IQCM: variants seen among roughly 807,000 people sequenced by gnomAD.
The protein encoded by IQCM is IQ motif containing M.
A neutral mutation model predicts 57.6 loss-of-function variants in IQCM; 45 were observed. The ratio of observed to expected loss-of-function variants is 0.78; its 90% CI spans 0.62 to 1.00. The LOEUF (loss-of-function observed/expected upper bound fraction) is 1.00, where lower values mean the gene tolerates loss of function less well. Among genes scored for constraint, IQCM ranks in the 50% least tolerant of loss-of-function variants. The pLI, the probability that IQCM is intolerant of heterozygous loss-of-function variation, is 0.00. For synonymous variants in IQCM, 148 were observed against 158.9 expected, an observed-to-expected ratio of 0.93 and a Z score of 0.51; for missense variants, 468 against 511.6, an observed-to-expected ratio of 0.91 and a Z score of 0.82.
chr4:149,483,882 C>G lies in IQCM; in HGVS notation c.1229-50325G>C, dbSNP rs527600716. Among the ~76,000 whole-genome samples, 9 of 152,014 alleles carry G rather than the reference C, an allele frequency of 5.9e-5. No individual in the cohort carries two copies. The East Asian group carries it at 1.5e-3, about 26-fold the overall frequency. ...GAATCTGGGGTGTTGAGGTCTCCAG[C>G]TGTTATTGTATTGGAGCCTATCTCT... On this transcript the variant is annotated intron_variant, in intron 12 of 13. Coordinates refer to ENST00000636793, the MANE Select transcript of IQCM (RefSeq NM_001363507.2).
At chr4:149,408,575 G>T (rs1733147813) in intron 13 of IQCM, among the ~76,000 whole-genome samples, 1 of 152,124 alleles carries the variant, frequency 6.6e-6, no homozygotes, top group Admixed American at 6.5e-5. Context: ...ATAACAACAG[G>T]AGGTGAGTCT....
intron 10 of IQCM, among the ~76,000 whole-genome samples, chr4:149,554,585 A>AT: frequency 6.6e-6 from 1 of 151,954 alleles, no homozygotes; most frequent in East Asian, 1.9e-4. Context: ...AAGTGCTGGG[A>AT]TTACAGGCAT....
intron 12 of IQCM, among the ~76,000 whole-genome samples, chr4:149,443,002 T>G (rs1169718225): frequency 7.1e-6 from 1 of 140,734 alleles, no homozygotes; most frequent in Non-Finnish European, 1.5e-5. Flanking sequence ...AGAAAGGAAT[T>G]TATTGCAAGG....
chr4:149,591,150 T>C (rs557251500), intron 8 of IQCM, among the ~76,000 whole-genome samples: 4 of 152,078 alleles, frequency 2.6e-5, no homozygotes, highest in Admixed American at 1.3e-4. Context: ...GTTTAACTGG[T>C]ACCAAGCTTC....
Position 149,551,499 on chromosome 4 carries a change from A to G in IQCM, c.1093+1644T>C, listed in dbSNP as rs1456262550. On this transcript the variant is annotated intron_variant, in intron 11 of 13. Coordinates refer to ENST00000636793, the MANE Select transcript of IQCM (RefSeq NM_001363507.2). ...AACATTCCATAACGTTAAAAAATCAATTAAGTGATAGTTTGGGGTATGAAG... is the reference window on the plus strand; with the variant it reads ...AACATTCCATAACGTTAAAAAATCAGTTAAGTGATAGTTTGGGGTATGAAG... 3.3e-5 allele frequency among the ~76,000 whole-genome samples: 5 copies of G among 152,354 alleles called. No homozygotes were observed. In the South Asian group the frequency reaches 8.3e-4, roughly 25 times the overall value.
intron 12 of IQCM, among the ~76,000 whole-genome samples, chr4:149,496,555 T>G (rs1037547935): frequency 2.6e-5 from 4 of 151,898 alleles, no homozygotes; most frequent in Admixed American, 1.3e-4. Context: ...CTTTGAAGAA[T>G]GAGGAAGAGG....
At chr4:149,358,495 C>T (rs996322712) in intron 13 of IQCM, among the ~76,000 whole-genome samples, 2 of 152,026 alleles carry the variant, frequency 1.3e-5, no homozygotes, top group Non-Finnish European at 2.9e-5. Flanking sequence ...TCCTTCATTT[C>T]GTTATGTACA....
Position 149,578,040 on chromosome 4 carries a change from G to C in IQCM, c.749+9890C>G, listed in dbSNP as rs773509753. ...CTGTCAGCTTGGACATTGGTGAATA[G>C]AAATACTACTGACTTTGGTTCATTG... On this transcript the variant is annotated intron_variant, in intron 9 of 13. Transcript: ENST00000636793. 2.6e-5 allele frequency among the ~76,000 whole-genome samples: 4 copies of C among 151,728 alleles called. No homozygotes were observed. The South Asian group carries it at 6.2e-4, about 24-fold the overall frequency.
At chr4:149,660,671 T>C (rs1001324777) in intron 7 of IQCM, among the ~76,000 whole-genome samples, 36 of 152,054 alleles carry the variant, frequency 2.4e-4, no homozygotes, top group African/African-American at 7.0e-4. Context: ...GATGAGTTCA[T>C]GTCCTTTGTA....
At chr4:149,460,099 G>T (rs570568064) in intron 12 of IQCM, among the ~76,000 whole-genome samples, 49 of 152,060 alleles carry the variant, frequency 3.2e-4, no homozygotes, top group African/African-American at 1.1e-3. Flanking sequence ...TGTGTTTTTT[G>T]GATAGTAGCC....
chr4:149,728,399 AG>A (rs1392755380), intron 5 of IQCM, among the ~76,000 whole-genome samples: 1 of 152,256 alleles, frequency 6.6e-6, no homozygotes, highest in African/African-American at 2.4e-5. Context: ...GCTAGACCAC[AG>A]GTTCCACGAG....
intron 12 of IQCM, among the ~76,000 whole-genome samples, chr4:149,487,704 T>C (rs1424892101): frequency 9.9e-5 from 15 of 152,154 alleles, no homozygotes; most frequent in Admixed American, 9.2e-4. Context: ...TATTCTCCAC[T>C]GTGACAGGGC....
intron 2 of IQCM, among the ~76,000 whole-genome samples, chr4:149,791,261 T>C (rs1039494874): frequency 1.3e-5 from 2 of 152,138 alleles, no homozygotes; most frequent in African/African-American, 4.8e-5. Context: ...TTATTGACTC[T>C]CATTATTTTT....
chr4:149,740,788 CA>C (rs1237859905), intron 3 of IQCM, among the ~76,000 whole-genome samples: 1 of 151,910 alleles, frequency 6.6e-6, no homozygotes, highest in South Asian at 2.1e-4. Context: ...AAGCAAAAAA[CA>C]AATAAAGGTC....
intron 12 of IQCM, 130 bp from the exon 13 acceptor site, chr4:149,433,687 T>C (rs2111277518): frequency 5.1e-6 from 2 of 395,790 alleles, no homozygotes; most frequent in Admixed American, 4.5e-5. Context: ...ATGTCTTTTT[T>C]TTTAGTCAAA....
intron 2 of IQCM, among the ~76,000 whole-genome samples, chr4:149,774,687 C>A (rs1995478): frequency 6.6e-6 from 1 of 151,328 alleles, no homozygotes; most frequent in Non-Finnish European, 1.5e-5. Flanking sequence ...TGGAGGCCCC[C>A]TCCCTCTGTC....
chr4:149,581,812 T>C (rs1752208049), intron 9 of IQCM, among the ~76,000 whole-genome samples: 1 of 151,638 alleles, frequency 6.6e-6, no homozygotes, highest in African/African-American at 2.4e-5. Context: ...TCCTATTCTT[T>C]GGAGAATTGC....
chr4:149,474,611 G>A (rs868116364), intron 12 of IQCM, among the ~76,000 whole-genome samples: 14 of 151,944 alleles, frequency 9.2e-5, no homozygotes, highest in Middle Eastern at 3.4e-3. Flanking sequence ...CAGCTACTCG[G>A]GAGGCTTAGG....
intron 5 of IQCM, chr4:149,690,880 A>G (rs555739190): frequency 6.6e-6 from 1 of 152,186 alleles, no homozygotes; most frequent in African/African-American, 2.4e-5. Flanking sequence ...TTTAACCTGG[A>G]AGGTACAGAG....
Sources: allele counts gnomAD v4.1 joint callset (sites outside exome capture counted in the v4.1 genomes callset), GRCh38; gene constraint gnomAD v4.1.1; transcripts MANE v1.5; gene names NCBI Gene and HGNC (gene_info 2026-07-23, HGNC 2026-07-21).